ZNF77: variants seen among roughly 807,000 people sequenced by gnomAD.
ZNF77 encodes ZNFpT1.
Under a neutral mutation model 13.5 loss-of-function variants are expected in ZNF77, and 15 were observed. The observed-to-expected ratio is 1.11, with a 90% confidence interval of 0.74 to 1.71. The LOEUF (loss-of-function observed/expected upper bound fraction) is 1.71. Ranked by LOEUF, ZNF77 falls within the 40% of genes most tolerant of loss-of-function variation. The pLI is 0.00. For synonymous variants in ZNF77, 282 were observed against 250.0 expected (o/e 1.13, Z -1.21); for missense variants, 717 against 676.4 (o/e 1.06, Z -0.67).
chr19:2,934,523 A>G lies in ZNF77; in HGVS notation c.604T>C (p.Tyr202His). Residue 202 changes from tyrosine to histidine, a missense_variant, in exon 4 of 4, where the codon TAC becomes CAC. By Grantham distance (83) the Tyr-to-His change is moderately conservative. Coordinates refer to ENST00000314531, the MANE Select transcript of ZNF77 (RefSeq NM_021217.3). Reference protein sequence around the residue: ...CQDSRTASVTYVKSLSSKKSY... With the variant: ...CQDSRTASVTHVKSLSSKKSY... Reference sequence around the variant, plus strand: ...TTTTTACTGCTGAGACTTTTCACGTATGTCACAGATGCTGTCCTTGAGTCC... The same window carrying G: ...TTTTTACTGCTGAGACTTTTCACGTGTGTCACAGATGCTGTCCTTGAGTCC... 6.2e-7 allele frequency: 1 copy of G among 1,614,224 alleles called. No individual in the cohort carries two copies. The highest frequency in any genetic ancestry group is 1.7e-5 in the Admixed American group (1 of 60,024).
chr19:2,933,973 C>T lies in ZNF77; in HGVS notation c.1154G>A (p.Cys385Tyr). The stretch of plus-strand genomic sequence containing the variant: ...AGTGGGACATCCGAAGGCCTTCCCA[C>T]ACTGCTTGCACACATAGGGCTTCTC... ...TGEKPYVCKQ[C>Y]GKAFGCPTYF... is the part of the protein sequence containing the mutation. The change falls in exon 4 of 4, where the codon TGT (cysteine) becomes TAT (tyrosine). Residue 385 changes from cysteine (C) to tyrosine (Y), a missense_variant. Physicochemically the swap from Cys to Tyr is radical, Grantham distance 194 (BLOSUM62 -2). Coordinates refer to ENST00000314531, the MANE Select transcript of ZNF77 (RefSeq NM_021217.3). The T allele has an allele frequency of 1.9e-6, 3 of 1,614,196 alleles. No homozygotes were observed. The highest frequency in any genetic ancestry group is 2.5e-6 in the Non-Finnish European group (3 of 1,180,046).
intron 1 of ZNF77, 80 bp downstream of exon 1, chr19:2,944,758 G>A (rs1201109620): frequency 4.8e-6 from 7 of 1,463,076 alleles, no homozygotes; most frequent in African/African-American, 1.5e-5. Context: ...AGCTTTCTCC[G>A]GCTGCGAACT....
chr19:2,944,617 C>A (rs1030788436), intron 1 of ZNF77, among the ~76,000 whole-genome samples: 4 of 152,088 alleles, frequency 2.6e-5, no homozygotes, highest in African/African-American at 9.7e-5. Flanking sequence ...TGTACTGTCC[C>A]CAGAAACTAC....
At position 2,944,831 on chromosome 19, in the gene ZNF77, C is replaced by T. The variant is rs1374801430; in HGVS notation, c.3+7G>A. On this transcript the variant is annotated splice_region_variant and intron_variant, in intron 1 of 3. Coordinates refer to ENST00000314531, the MANE Select transcript of ZNF77 (RefSeq NM_021217.3). ...GGGCCCGGGCTCGGCTCCCGCCCGG[C>T]ACTCACCATGTCCCGCCCGCTCCTG... The T allele has an allele frequency of 3.3e-6, 5 of 1,524,204 alleles. No individual in the cohort carries two copies. The highest frequency in any genetic ancestry group is 4.4e-6 in the Non-Finnish European group (5 of 1,142,210). The allele number at this position is 1,524,204 out of a possible 1,614,324, so 94.4% of individuals were successfully genotyped here. A position where few individuals can be genotyped will look rare whatever the true frequency, so the allele number is the denominator to read the frequency against.
Position 2,933,836 on chromosome 19 carries a change from T to A in ZNF77, c.1291A>T (p.Thr431Ser), listed in dbSNP as rs565356148. ...TTACACTCAAAGGGCTTCTCTCCAG[T>A]ATGCGTCCTCACGTGGATTCGAAGG... ...SSLRIHVRTH[T>S]GEKPFECKHC... The change falls in exon 4 of 4, where the codon ACT (threonine) becomes TCT (serine). Residue 431 changes from threonine (T) to serine (S), a missense_variant. Coordinates refer to ENST00000314531, the MANE Select transcript of ZNF77 (RefSeq NM_021217.3). 5 of 1,613,752 alleles carry A rather than the reference T, an allele frequency of 3.1e-6. No homozygotes were observed. The highest frequency in any genetic ancestry group is 3.3e-4 in the Middle Eastern group (2 of 6,060).
Position 2,934,808 on chromosome 19 carries a change from G to T in ZNF77, c.319C>A (p.Leu107Met), listed in dbSNP as rs925129127. The change falls in exon 4 of 4, where the codon CTG (leucine) becomes ATG (methionine). Residue 107 changes from leucine to methionine, a missense_variant. Physicochemically the swap from Leu to Met is conservative, Grantham distance 15. Transcript: ENST00000314531. ...TCATTACTTTCACAGAGTCTCCCCAGCTGACTTCTGTTCAAAATGGGAAGC... is the reference window on the plus strand; with the variant it reads ...TCATTACTTTCACAGAGTCTCCCCATCTGACTTCTGTTCAAAATGGGAAGC... ...QIPQRHLRSQ[L>M]GRLCESNEGH... 3 of 1,600,822 alleles carry T rather than the reference G, an allele frequency of 1.9e-6. No homozygotes were observed. Among genetic ancestry groups the T allele is most frequent in the African/African-American group, 2.7e-5 (2 of 74,592 alleles).
In ZNF77 at chr19:2,944,829, G is replaced by A. The variant is rs766842119; in HGVS notation, c.3+9C>T. ...CTGGGCCCGGGCTCGGCTCCCGCCC[G>A]GCACTCACCATGTCCCGCCCGCTCC... On this transcript the variant is annotated intron_variant, in intron 1 of 3. Coordinates refer to ENST00000314531, the MANE Select transcript of ZNF77 (RefSeq NM_021217.3). 3 of 1,522,494 alleles carry A rather than the reference G, an allele frequency of 2.0e-6. No individual in the cohort carries two copies. The highest frequency in any genetic ancestry group is 2.0e-5 in the Admixed American group (1 of 49,984). The allele number at this position is 1,522,494 out of a possible 1,614,324, so 94.3% of individuals were successfully genotyped here.
At chr19:2,944,066 C>T (rs955314314) in intron 1 of ZNF77, among the ~76,000 whole-genome samples, 2 of 151,918 alleles carry the variant, frequency 1.3e-5, no homozygotes, top group African/African-American at 4.8e-5. Flanking sequence ...CCTTGGCAGA[C>T]CTTCCCAAAC....
At chr19:2,935,164 G>A (rs907579383) in intron 3 of ZNF77, among the ~76,000 whole-genome samples, 7 of 151,302 alleles carry the variant, frequency 4.6e-5, no homozygotes, top group Middle Eastern at 3.4e-3. Flanking sequence ...GATTACAGGC[G>A]CCTGCCACCA....
intron 2 of ZNF77, 55 bp from the exon 3 acceptor site, chr19:2,936,759 T>C (rs2088401729): frequency 4.0e-6 from 6 of 1,499,972 alleles, no homozygotes; most frequent in South Asian, 2.4e-5. Flanking sequence ...ATAAAGGAAA[T>C]AGACCACATA....
At chr19:2,935,929 T>C (rs1055914446) in intron 3 of ZNF77, among the ~76,000 whole-genome samples, 5 of 151,792 alleles carry the variant, frequency 3.3e-5, no homozygotes, top group South Asian at 2.1e-4. Context: ...GGTGGGAGGA[T>C]TGCTTGAGCC....
chr19:2,935,953 T>A (rs549943594), intron 3 of ZNF77, among the ~76,000 whole-genome samples: 320 of 151,882 alleles, frequency 2.1e-3, no homozygotes, highest in African/African-American at 7.2e-3. Flanking sequence ...GAGGCAAAGG[T>A]TGCAGTGAGC....
In ZNF77 at chr19:2,934,049, C is replaced by G; in HGVS notation, c.1078G>C (p.Ala360Pro). 6.2e-7 allele frequency: 1 copy of G among 1,614,128 alleles called. No individual in the cohort carries two copies. Among genetic ancestry groups the G allele is most frequent in the Non-Finnish European group, 8.5e-7 (1 of 1,180,002 alleles). The change falls in exon 4 of 4, where the codon GCC becomes CCC. Residue 360 changes from alanine to proline, a missense_variant. Coordinates refer to ENST00000314531, the MANE Select transcript of ZNF77 (RefSeq NM_021217.3). Reference sequence around the variant, plus strand: ...CGCAGAGAGGAGGGGTACCTGAAGGCTTTGCCGCATTCCTTACATTCATAG... The same window carrying G: ...CGCAGAGAGGAGGGGTACCTGAAGGGTTTGCCGCATTCCTTACATTCATAG... ...KPYECKECGK[A>P]FRYPSSLRAH...
intron 3 of ZNF77, among the ~76,000 whole-genome samples, chr19:2,935,999 AGAGT>A (rs2088393054): frequency 6.6e-6 from 1 of 152,080 alleles, no homozygotes; most frequent in African/African-American, 2.4e-5. Flanking sequence ...CCTGGTTGAC[AGAGT>A]GAGACCCCCA....
chr19:2,933,575 T>C lies in ZNF77; in HGVS notation c.1552A>G (p.Arg518Gly), dbSNP rs1377415404. The C allele has an allele frequency of 1.2e-6, 2 of 1,613,520 alleles. No homozygotes were observed. Among genetic ancestry groups the C allele is most frequent in the East Asian group, 2.2e-5 (1 of 44,870 alleles). The change falls in exon 4 of 4, where the codon AGA (arginine) becomes GGA (glycine). Residue 518 changes from arginine to glycine, a missense_variant. Transcript: ENST00000314531. ...CCACACTGCTTGCATTCATACGGTC[T>C]CTCTCCAGTGTGCGTTCTCACGTGC... ...RVHVRTHTGE[R>G]PYECKQCGKT...
chr19:2,937,931 A>G (rs559269424), intron 2 of ZNF77, among the ~76,000 whole-genome samples: 9 of 151,946 alleles, frequency 5.9e-5, no homozygotes, highest in Non-Finnish European at 1.3e-4. Context: ...TACTTTTTAT[A>G]TTTTTAGTAC....
intron 1 of ZNF77, among the ~76,000 whole-genome samples, chr19:2,940,590 T>C (rs920778725): frequency 6.6e-6 from 1 of 151,208 alleles, no homozygotes; most frequent in African/African-American, 2.4e-5. Context: ...GGAGAATCAC[T>C]TGAACCCAGG....
Position 2,944,970 on chromosome 19 carries a change from T to G in ZNF77, c.-130A>C. The G allele has an allele frequency of 8.2e-7, 1 of 1,226,320 alleles. No individual in the cohort carries two copies. Among genetic ancestry groups the G allele is most frequent in the Non-Finnish European group, 1.1e-6 (1 of 919,368 alleles). The allele number at this position is 1,226,320 out of a possible 1,614,324, so 76.0% of individuals were successfully genotyped here. A position where few individuals can be genotyped will look rare whatever the true frequency, so the allele number is the denominator to read the frequency against. Reference sequence around the variant, plus strand: ...CGCGCAAGGCAGAGGGGAACTCGGCTTACCGTCCTCGGGGTCTGATTGGAC... The same window carrying G: ...CGCGCAAGGCAGAGGGGAACTCGGCGTACCGTCCTCGGGGTCTGATTGGAC... On this transcript the variant is annotated 5_prime_UTR_variant, in exon 1 of 4. Transcript: ENST00000314531.
rs1599623744 is a variant in ZNF77, at chr19:2,944,930, G to C, written c.-90C>G. The C allele has an allele frequency of 6.9e-7, 1 of 1,445,802 alleles. No homozygotes were observed. The highest frequency in any genetic ancestry group is 2.7e-5 in the East Asian group (1 of 37,070). The allele number at this position is 1,445,802 out of a possible 1,614,324, so 89.6% of individuals were successfully genotyped here. A position where few individuals can be genotyped will look rare whatever the true frequency, so the allele number is the denominator to read the frequency against. ...CACGACAGGACACCTGAGCCGCTCGGGGTAGGCGGGGAAGCGCGCAAGGCA... is the reference window on the plus strand; with the variant it reads ...CACGACAGGACACCTGAGCCGCTCGCGGTAGGCGGGGAAGCGCGCAAGGCA... On this transcript the variant is annotated 5_prime_UTR_variant, in exon 1 of 4. Coordinates refer to ENST00000314531, the MANE Select transcript of ZNF77 (RefSeq NM_021217.3).
Sources: gnomAD v4.1 joint callset for allele counts (sites outside exome capture counted in the v4.1 genomes callset) on GRCh38, gnomAD v4.1.1 for gene constraint, MANE v1.5 for transcripts, NCBI Gene and HGNC (gene_info 2026-07-23, HGNC 2026-07-21) for gene names.